Variants in NEDD9 observed in about 807,000 individuals in gnomAD.
NEDD9 encodes neural precursor cell expressed, developmentally down-regulated 9, also known as enhancer of filamentation 1.
A neutral mutation model predicts 76.6 loss-of-function variants in NEDD9; 26 were observed. The ratio of observed to expected loss-of-function variants is 0.34; its 90% confidence interval spans 0.25 to 0.47. The LOEUF (loss-of-function observed/expected upper bound fraction) is 0.47, where lower values mean the gene tolerates loss of function less well. Ranked by LOEUF, NEDD9 falls within the 20% of genes least tolerant of loss-of-function variation. The pLI, the probability that NEDD9 is intolerant of heterozygous loss-of-function variation, is 1.00. For missense variants in NEDD9, 937 were observed against 1,058.5 expected (o/e 0.89, Z 1.59); for synonymous variants, 392 against 414.2 (o/e 0.95, Z 0.65).
At chr6:11,269,352 A>T (rs1297217503) in intron 3 of NEDD9, among the ~76,000 whole-genome samples, 1 of 152,222 alleles carries the variant, frequency 6.6e-6, no homozygotes, top group African/African-American at 2.4e-5. Flanking sequence ...GAGCGTGGAA[A>T]ACCTTTATTT....
At chr6:11,248,224 G>C (rs780190140) in intron 3 of NEDD9, among the ~76,000 whole-genome samples, 10 of 146,216 alleles carry the variant, frequency 6.8e-5, no homozygotes, top group Non-Finnish European at 1.2e-4. Flanking sequence ...ATTTGAGAAG[G>C]AAAAAAAAAA....
intron 1 of NEDD9, among the ~76,000 whole-genome samples, chr6:11,347,988 G>A (rs997085316): frequency 6.6e-6 from 1 of 152,194 alleles, no homozygotes; most frequent in Non-Finnish European, 1.5e-5. Context: ...AATAGGAAGA[G>A]AGGAAGTCTA....
At position 11,351,122 on chromosome 6, in the gene NEDD9, G is replaced by A. The variant is rs139749489; in HGVS notation, c.-213-16561C>T. Among the ~76,000 whole-genome samples, 392 of 152,288 alleles carry A rather than the reference G, an allele frequency of 2.6e-3. 2 individuals are homozygous for A. The highest frequency in any genetic ancestry group is 8.9e-3 in the African/African-American group (370 of 41,556). ...TGGCAAGAGATTCACAGGTGGAAGGGAGATGTTCCAGGAAGAGTTTACAGC... is the reference window on the plus strand; with the variant it reads ...TGGCAAGAGATTCACAGGTGGAAGGAAGATGTTCCAGGAAGAGTTTACAGC... On this transcript the variant is annotated intron_variant, in intron 1 of 3. Transcript: ENST00000397378.
rs1761078568 is a variant in NEDD9 at position 11,302,596 on chromosome 6, C to T, written c.12+3396G>A. Among the ~76,000 whole-genome samples the T allele has an allele frequency of 2.6e-5, 4 of 152,190 alleles. No individual in the cohort carries two copies. The South Asian group carries it at 8.3e-4, about 32-fold the overall frequency. On this transcript the variant is annotated intron_variant, in intron 3 of 3. Transcript: ENST00000397378. ...AATTTTAGGCCATATCCCTGATGAA[C>T]ATTGATGCAAAAATCCTCAATAAAA...
intron 3 of NEDD9, among the ~76,000 whole-genome samples, chr6:11,251,957 G>A (rs1249630756): frequency 6.6e-6 from 1 of 152,120 alleles, no homozygotes; most frequent in Non-Finnish European, 1.5e-5. Context: ...GGGATGGTGA[G>A]TGATGGGCAA....
chr6:11,354,775 C>T (rs1293995709), intron 1 of NEDD9, among the ~76,000 whole-genome samples: 4 of 152,114 alleles, frequency 2.6e-5, no homozygotes, highest in Non-Finnish European at 5.9e-5. Context: ...GTCCTGGGGG[C>T]TGCAACTGGT....
At chr6:11,286,663 T>C (rs1760655598) in intron 3 of NEDD9, among the ~76,000 whole-genome samples, 1 of 152,184 alleles carries the variant, frequency 6.6e-6, no homozygotes, top group African/African-American at 2.4e-5. Context: ...TATTGATACA[T>C]ATTACAACAT....
At chr6:11,197,920 A>G (rs894459117) in intron 2 of NEDD9, among the ~76,000 whole-genome samples, 1 of 152,142 alleles carries the variant, frequency 6.6e-6, no homozygotes, top group Non-Finnish European at 1.5e-5. Flanking sequence ...CAGCATGATG[A>G]CAGTCAGCAA....
At chr6:11,330,896 G>C (rs16871276) in intron 2 of NEDD9, among the ~76,000 whole-genome samples, 6,179 of 152,244 alleles carry the variant, frequency 0.041, 282 homozygotes, top group African/African-American at 0.11. Context: ...CACTGCTTTA[G>C]GGTCTGAGTA....
rs1757900933 is a variant in NEDD9, at chr6:11,183,437, C to T, written c.*1725G>A. On this transcript the variant is annotated 3_prime_UTR_variant, in exon 7 of 7. Coordinates refer to ENST00000379446, the MANE Select transcript of NEDD9 (RefSeq NM_006403.4). The stretch of plus-strand genomic sequence containing the variant: ...AGCGTAGATCAATCAAGTCAGCCAT[C>T]TCCTAAGAAATACACATTATACAAT... 6.6e-6 allele frequency: 1 copy of T among 152,202 alleles called. No homozygotes were observed. The highest frequency in any genetic ancestry group is 1.5e-5 in the Non-Finnish European group (1 of 68,022). 9.4% of individuals were successfully genotyped at this position (152,202 alleles called of 1,614,324 possible). A position where few individuals can be genotyped will look rare whatever the true frequency, so the allele number is the denominator to read the frequency against.
chr6:11,262,894 T>A (rs1315763519), intron 3 of NEDD9, among the ~76,000 whole-genome samples: 2 of 152,370 alleles, frequency 1.3e-5, no homozygotes, highest in Non-Finnish European at 2.9e-5. Context: ...GTGTAAATTC[T>A]GGGCCAAATT....
intron 2 of NEDD9, among the ~76,000 whole-genome samples, chr6:11,196,086 C>T (rs890365549): frequency 6.6e-6 from 1 of 152,144 alleles, no homozygotes; most frequent in Non-Finnish European, 1.5e-5. Context: ...TCGCGGATCA[C>T]GAGGTCAGGA....
chr6:11,204,597 A>G (rs1170868863), intron 2 of NEDD9, among the ~76,000 whole-genome samples: 1 of 151,470 alleles, frequency 6.6e-6, no homozygotes, highest in Non-Finnish European at 1.5e-5. Context: ...GTGCGCACCC[A>G]TAGTCCCAGC....
At position 11,209,975 on chromosome 6, in the gene NEDD9, T is replaced by TTTTTTTTTTTTTTG. The variant is rs1167935311; in HGVS notation, c.459+3305_459+3306insCAAAAAAAAAAAAA. On this transcript the variant is annotated intron_variant, in intron 2 of 6. Coordinates refer to ENST00000379446, the MANE Select transcript of NEDD9 (RefSeq NM_006403.4). ...TAGAAGGCAGAATTCACTGTCTTTT[T>TTTTTTTTTTTTTTG]TTTTTCCTTAAGTGATTCATTAGTA... Among the ~76,000 whole-genome samples, 15 of 150,458 alleles carry TTTTTTTTTTTTTTG rather than the reference T, an allele frequency of 1.0e-4. No individual in the cohort carries two copies. The East Asian group carries it at 2.0e-3, about 20-fold the overall frequency.
chr6:11,237,175 A>T (rs1340267877), upstream of NEDD9, among the ~76,000 whole-genome samples: 2 of 152,084 alleles, frequency 1.3e-5, no homozygotes, highest in Non-Finnish European at 2.9e-5. This position sits in a 1 kb window ranked among gnomAD's most constrained non-coding sequence, Gnocchi z 4.9. Flanking sequence ...GTACTGGAAC[A>T]CGGCCCTATT....
intron 1 of NEDD9, among the ~76,000 whole-genome samples, chr6:11,343,401 C>T (rs1173872989): frequency 6.6e-6 from 1 of 151,878 alleles, no homozygotes; most frequent in Admixed American, 6.6e-5. Context: ...TGCACTCTAG[C>T]CTGGGCAACA....
At chr6:11,294,551 C>T (rs1760848522) in intron 3 of NEDD9, among the ~76,000 whole-genome samples, 1 of 152,148 alleles carries the variant, frequency 6.6e-6, no homozygotes, top group South Asian at 2.1e-4. Flanking sequence ...GAGGCCTCTG[C>T]AGCCATGTTT....
intron 1 of NEDD9, among the ~76,000 whole-genome samples, chr6:11,340,176 C>G (rs1463544785): frequency 1.3e-5 from 2 of 152,190 alleles, no homozygotes; most frequent in African/African-American, 4.8e-5. Flanking sequence ...CCTCCTTATG[C>G]AAGAGCTGAC....
At chr6:11,279,434 C>A (rs965210827) in intron 3 of NEDD9, among the ~76,000 whole-genome samples, 3 of 152,224 alleles carry the variant, frequency 2.0e-5, no homozygotes, top group African/African-American at 7.2e-5. Context: ...GGCGCGTTCT[C>A]CTGGAAACGG....
Sources: allele counts gnomAD v4.1 joint callset (sites outside exome capture counted in the v4.1 genomes callset), GRCh38; gene constraint gnomAD v4.1.1; non-coding constraint Gnocchi (gnomAD v3.1); transcripts MANE v1.5; gene names NCBI Gene and HGNC (gene_info 2026-07-23, HGNC 2026-07-21).